The following SLC3A1 variants were observed in gnomAD, a reference collection of about 807,000 sequenced individuals.
SLC3A1 encodes amino acid transporter heavy chain SLC3A1.
Under a neutral mutation model 60.3 loss-of-function variants are expected in SLC3A1, and 78 were observed. The ratio of observed to expected loss-of-function variants is 1.29; its 90% CI spans 1.08 to 1.56. SLC3A1 has a LOEUF of 1.56. Ranked by LOEUF, SLC3A1 falls within the 40% of genes most tolerant of loss-of-function variation. The pLI is 0.00. For missense variants in SLC3A1, 1,172 were observed against 858.9 expected, an observed-to-expected ratio of 1.36 and a Z score of -4.56; for synonymous variants, 392 against 307.9, an observed-to-expected ratio of 1.27 and a Z score of -2.86.
intron 7 of SLC3A1, among the ~76,000 whole-genome samples, chr2:44,305,481 T>G (rs1572809271): frequency 6.7e-6 from 1 of 148,340 alleles, no homozygotes; most frequent in African/African-American, 2.5e-5. Flanking sequence ...CAGGCTGGAG[T>G]GCATGGCGTG....
At chr2:44,318,081 A>C (rs531196546) in intron 9 of SLC3A1, 28 of 438,278 alleles carry the variant, frequency 6.4e-5, no homozygotes, top group South Asian at 4.4e-4. Context: ...TAATACTTAA[A>C]GGATCTCAAC....
chr2:44,284,673 G>A (rs762056352), intron 3 of SLC3A1, among the ~76,000 whole-genome samples: 31 of 151,832 alleles, frequency 2.0e-4, no homozygotes, highest in Non-Finnish European at 3.7e-4. Flanking sequence ...AGCAATCCTC[G>A]CCACCTCAGC....
intron 1 of SLC3A1, among the ~76,000 whole-genome samples, chr2:44,280,200 T>A (rs1230761869): frequency 6.6e-6 from 1 of 152,210 alleles, no homozygotes; most frequent in Non-Finnish European, 1.5e-5. Flanking sequence ...AATGCTATGT[T>A]AAATGTCATC....
intron 7 of SLC3A1, among the ~76,000 whole-genome samples, chr2:44,310,265 A>G (rs746405724): frequency 2.0e-5 from 3 of 152,182 alleles, no homozygotes; most frequent in African/African-American, 7.2e-5. Context: ...TCCGTTTTAC[A>G]TTCCCATCAG....
At chr2:44,306,190 T>C (rs1672152529) in intron 7 of SLC3A1, among the ~76,000 whole-genome samples, 2 of 152,308 alleles carry the variant, frequency 1.3e-5, no homozygotes, top group East Asian at 1.9e-4. Context: ...ACCCCCACAA[T>C]ACCTGTAGGT....
At chr2:44,317,780 A>G (rs956215652) in intron 9 of SLC3A1, 42 of 153,546 alleles carry the variant, frequency 2.7e-4, no homozygotes, top group Non-Finnish European at 3.9e-4. Context: ...AAAAAACCCT[A>G]AACAATAGTA....
intron 7 of SLC3A1, among the ~76,000 whole-genome samples, chr2:44,305,395 C>G (rs1483924844): frequency 6.0e-5 from 9 of 150,202 alleles, no homozygotes; most frequent in Non-Finnish European, 1.2e-4. Context: ...AAGTTTCTTT[C>G]TCTCATATAA....
rs370095960 is a variant in SLC3A1, at chr2:44,280,909, A to C, written c.610+14A>C. 18 of 1,611,454 alleles carry C rather than the reference A, an allele frequency of 1.1e-5. No individual in the cohort carries two copies. In the Admixed American group the frequency reaches 3.0e-4, roughly 27 times the overall value. ...TACATGATAAAGGTAAGTTGAATGG[A>C]AAGTGGGCAAGATGGGGATGAGGTT... On this transcript the variant is annotated intron_variant, in intron 2 of 9. Transcript: ENST00000260649.
At chr2:44,305,731 T>G (rs147706291) in intron 7 of SLC3A1, among the ~76,000 whole-genome samples, 1 of 152,144 alleles carries the variant, frequency 6.6e-6, no homozygotes, top group East Asian at 1.9e-4. Flanking sequence ...TCCTGGCCCT[T>G]CCTTTCTTTA....
At chr2:44,280,003 TAGAC>T (rs1372095408) in intron 1 of SLC3A1, among the ~76,000 whole-genome samples, 2 of 152,188 alleles carry the variant, frequency 1.3e-5, no homozygotes, top group East Asian at 1.9e-4. Context: ...ATGTGGCTCT[TAGAC>T]AGAACAGTGC....
chr2:44,321,334 A>G lies in SLC3A1; in HGVS notation c.*695A>G, dbSNP rs1672920537. ...TATGAAATATTTCAGTGTGTTTCCA[A>G]TTCCCAGTTGAATGCAGTGTTTCAG... On this transcript the variant is annotated 3_prime_UTR_variant, in exon 10 of 10. Coordinates refer to ENST00000260649, the MANE Select transcript of SLC3A1 (RefSeq NM_000341.4). The G allele has an allele frequency of 6.4e-7, 1 of 1,560,988 alleles. No homozygotes were observed.
intron 5 of SLC3A1, among the ~76,000 whole-genome samples, chr2:44,300,789 G>A (rs1445543068): frequency 6.6e-6 from 1 of 152,134 alleles, no homozygotes; most frequent in African/African-American, 2.4e-5. Flanking sequence ...GCTAAAATGG[G>A]TGACAGTTTA....
intron 5 of SLC3A1, among the ~76,000 whole-genome samples, chr2:44,300,305 TGAG>T (rs1160867528): frequency 5.9e-5 from 9 of 152,180 alleles, no homozygotes; most frequent in Admixed American, 1.3e-4. Flanking sequence ...AGGGATCCCT[TGAG>T]GAGTCCTTCA....
At chr2:44,311,571 G>A (rs1672298588) in intron 7 of SLC3A1, among the ~76,000 whole-genome samples, 1 of 151,996 alleles carries the variant, frequency 6.6e-6, no homozygotes, top group South Asian at 2.1e-4. Flanking sequence ...GAAATCAAAG[G>A]GTTTCTTGTC....
intron 7 of SLC3A1, among the ~76,000 whole-genome samples, chr2:44,311,474 A>G (rs1378306209): frequency 6.6e-6 from 1 of 151,998 alleles, no homozygotes; most frequent in Non-Finnish European, 1.5e-5. Flanking sequence ...GTTGTTAAAA[A>G]CCGGACATTT....
intron 4 of SLC3A1, among the ~76,000 whole-genome samples, chr2:44,290,356 C>T (rs990712469): frequency 2.0e-5 from 3 of 152,118 alleles, no homozygotes; most frequent in Non-Finnish European, 2.9e-5. Flanking sequence ...GTTTTGAAAT[C>T]GGGAAGTGAG....
chr2:44,311,844 CAG>C (rs1672306311), intron 7 of SLC3A1, among the ~76,000 whole-genome samples: 1 of 152,034 alleles, frequency 6.6e-6, no homozygotes. Context: ...TGTAATTTCT[CAG>C]AGCTTGTTTC....
At chr2:44,311,248 T>TC (rs1214063013) in intron 7 of SLC3A1, among the ~76,000 whole-genome samples, 7 of 152,220 alleles carry the variant, frequency 4.6e-5, no homozygotes, top group Non-Finnish European at 2.9e-5. Flanking sequence ...TTTTATTTTT[T>TC]CATAATTTCT....
At chr2:44,319,006 C>A (rs141499414) in intron 9 of SLC3A1, 1 of 152,142 alleles carries the variant, frequency 6.6e-6, no homozygotes, top group Non-Finnish European at 1.5e-5. Context: ...TAACACTTAC[C>A]GGGCACTTCT....
Sources: allele counts gnomAD v4.1 joint callset (sites outside exome capture counted in the v4.1 genomes callset), GRCh38; gene constraint gnomAD v4.1.1; transcripts MANE v1.5; gene names NCBI Gene and HGNC (gene_info 2026-07-23, HGNC 2026-07-21).